Variants in GPR39 observed in about 807,000 individuals in gnomAD.
GPR39 encodes G protein-coupled receptor 39.
Under a neutral mutation model 18.4 loss-of-function variants are expected in GPR39, and 23 were observed. That is an observed-to-expected ratio of 1.25 (90% CI 0.90 to 1.77). The LOEUF (loss-of-function observed/expected upper bound fraction) is 1.77, where lower values mean the gene tolerates loss of function less well. Ranked by LOEUF, GPR39 falls within the 40% of genes most tolerant of loss-of-function variation. The probability of loss-of-function intolerance (pLI) is 0.00; values close to 1 mark genes in which losing one functional copy is unlikely to be tolerated. For synonymous variants in GPR39, 280 were observed against 257.9 expected (o/e 1.09, Z -0.82); for missense variants, 647 against 602.4 (o/e 1.07, Z -0.78).
intron 1 of GPR39, among the ~76,000 whole-genome samples, chr2:132,608,327 G>T (rs1681177805): frequency 6.6e-6 from 1 of 152,180 alleles, no homozygotes. Context: ...TTCAGTCCAT[G>T]AGCTGCACAA....
intron 1 of GPR39, among the ~76,000 whole-genome samples, chr2:132,592,945 C>A (rs1354114812): frequency 6.6e-6 from 1 of 152,166 alleles, no homozygotes; most frequent in African/African-American, 2.4e-5. Flanking sequence ...CACTTCTAAC[C>A]AGCTGGCTAC....
intron 1 of GPR39, among the ~76,000 whole-genome samples, chr2:132,521,028 T>G (rs1278135819): frequency 1.3e-5 from 2 of 152,202 alleles, no homozygotes; most frequent in Non-Finnish European, 2.9e-5. Context: ...AAATGGGCTG[T>G]TCAGGGCCAG....
Position 132,646,015 on chromosome 2 carries a change from A to C in GPR39, c.*409A>C. The C allele has an allele frequency of 6.7e-7, 1 of 1,487,878 alleles. No individual in the cohort carries two copies. The allele number at this position is 1,487,878 out of a possible 1,614,324, so 92.2% of individuals were successfully genotyped here. On this transcript the variant is annotated 3_prime_UTR_variant, in exon 2 of 2. Coordinates refer to ENST00000329321, the MANE Select transcript of GPR39 (RefSeq NM_001508.3). ...GTTGGGGGCGAGGGCTGGAAGAACAATGCAGGAGGGGGTGGCATCTCCTTC... is the reference window on the plus strand; with the variant it reads ...GTTGGGGGCGAGGGCTGGAAGAACACTGCAGGAGGGGGTGGCATCTCCTTC...
chr2:132,646,025 G>T lies in GPR39; in HGVS notation c.*419G>T, dbSNP rs1302941778. ...AGGGCTGGAAGAACAATGCAGGAGG[G>T]GGTGGCATCTCCTTCAGCTTCAGCA... On this transcript the variant is annotated 3_prime_UTR_variant, in exon 2 of 2. Transcript: ENST00000329321. 7 of 1,502,340 alleles carry T rather than the reference G, an allele frequency of 4.7e-6. No homozygotes were observed. Among genetic ancestry groups the T allele is most frequent in the South Asian group, 3.9e-5 (3 of 76,380 alleles). The allele number at this position is 1,502,340 out of a possible 1,614,324, so 93.1% of individuals were successfully genotyped here.
At chr2:132,622,761 T>A (rs1681465097) in intron 1 of GPR39, among the ~76,000 whole-genome samples, 1 of 152,166 alleles carries the variant, frequency 6.6e-6, no homozygotes. Flanking sequence ...CTGCCACCCA[T>A]CATGTGATGC....
At chr2:132,626,925 A>G (rs1434169633) in intron 1 of GPR39, among the ~76,000 whole-genome samples, 1 of 152,232 alleles carries the variant, frequency 6.6e-6, no homozygotes, top group Non-Finnish European at 1.5e-5. Flanking sequence ...TCCAGGCTCA[A>G]ACAATATTAG....
chr2:132,631,443 T>G (rs1681648270), intron 1 of GPR39, among the ~76,000 whole-genome samples: 1 of 152,244 alleles, frequency 6.6e-6, no homozygotes, highest in Non-Finnish European at 1.5e-5. Flanking sequence ...CATCCTCATC[T>G]GATCATTCTT....
At chr2:132,551,481 T>C (rs1371422625) in intron 1 of GPR39, among the ~76,000 whole-genome samples, 1 of 152,198 alleles carries the variant, frequency 6.6e-6, no homozygotes, top group East Asian at 1.9e-4. Flanking sequence ...GAGGGCTCCA[T>C]ATCACCCTAA....
intron 1 of GPR39, among the ~76,000 whole-genome samples, chr2:132,428,165 A>G (rs1680162855): frequency 6.6e-6 from 1 of 151,902 alleles, no homozygotes. Context: ...CTCATTATTG[A>G]ATCTCTTACA....
intron 1 of GPR39, among the ~76,000 whole-genome samples, chr2:132,495,770 T>C (rs895325701): frequency 1.3e-5 from 2 of 151,626 alleles, no homozygotes; most frequent in African/African-American, 4.9e-5. Context: ...CTACCTCTCC[T>C]CTCCTTTCCT....
rs777909907 is a variant in GPR39 at position 132,645,402 on chromosome 2, C to T, written c.1158C>T (p.Arg386=). 1 of 1,613,702 alleles carries T rather than the reference C, an allele frequency of 6.2e-7. No homozygotes were observed. The highest frequency in any genetic ancestry group is 8.5e-7 in the Non-Finnish European group (1 of 1,180,022). ...CGCACTCCACCACCGACAGCGCCCG[C>T]TTTGTGCAGCGCCCGTTGCTCTTCG... ...VHAHSTTDSA[R]FVQRPLLFAS... is the part of the protein sequence containing the mutation. The change falls in exon 2 of 2, where the codon CGC becomes CGT. Residue 386 remains arginine (R), a synonymous_variant. Coordinates refer to ENST00000329321, the MANE Select transcript of GPR39 (RefSeq NM_001508.3).
At chr2:132,548,968 T>C (rs544484771) in intron 1 of GPR39, among the ~76,000 whole-genome samples, 25 of 152,356 alleles carry the variant, frequency 1.6e-4, no homozygotes, top group African/African-American at 5.5e-4. Context: ...TGATTCACTG[T>C]CACAGATACG....
At chr2:132,469,686 C>G (rs962093569) in intron 1 of GPR39, among the ~76,000 whole-genome samples, 1 of 152,176 alleles carries the variant, frequency 6.6e-6, no homozygotes, top group Non-Finnish European at 1.5e-5. Flanking sequence ...CCTTCACTCC[C>G]GCAGGGAGGG....
chr2:132,602,448 A>C (rs1681059961), intron 1 of GPR39, among the ~76,000 whole-genome samples: 1 of 152,168 alleles, frequency 6.6e-6, no homozygotes, highest in South Asian at 2.1e-4. Flanking sequence ...CTAGAAGAAC[A>C]CATAGGGGAA....
At chr2:132,636,895 A>T (rs1681771351) in intron 1 of GPR39, among the ~76,000 whole-genome samples, 1 of 152,136 alleles carries the variant, frequency 6.6e-6, no homozygotes, top group Admixed American at 6.5e-5. Flanking sequence ...CTTGGAGGAC[A>T]TCATGCTCCT....
Position 132,645,468 on chromosome 2 carries a change from T to C in GPR39, c.1224T>C (p.Ile408=). 2 of 1,613,938 alleles carry C rather than the reference T, an allele frequency of 1.2e-6. No homozygotes were observed. The highest frequency in any genetic ancestry group is 1.7e-6 in the Non-Finnish European group (2 of 1,180,020). ...CCTCTGCAAGGAGAACTGAGAAGAT[T>C]TTCTTAAGCACTTTTCAGAGCGAGG... ...RQSSARRTEK[I]FLSTFQSEAE... Residue 408 remains isoleucine (I), a synonymous_variant, in exon 2 of 2, where the codon ATT becomes ATC. Coordinates refer to ENST00000329321, the MANE Select transcript of GPR39 (RefSeq NM_001508.3).
chr2:132,556,702 A>G (rs1680158176), intron 1 of GPR39, among the ~76,000 whole-genome samples: 1 of 152,010 alleles, frequency 6.6e-6, no homozygotes. Context: ...GACTTTTCAA[A>G]TCCTCCCCCT....
intron 1 of GPR39, among the ~76,000 whole-genome samples, chr2:132,445,118 C>G (rs938870695): frequency 2.6e-5 from 4 of 151,904 alleles, no homozygotes; most frequent in Admixed American, 6.6e-5. Flanking sequence ...CATGACTCAT[C>G]ATCCTAACAC....
chr2:132,528,034 G>C (rs142834207), intron 1 of GPR39, among the ~76,000 whole-genome samples: 2 of 152,090 alleles, frequency 1.3e-5, no homozygotes, highest in Non-Finnish European at 2.9e-5. Context: ...CATTGCCTAG[G>C]TTTTCTTCTA....
Sources: gnomAD v4.1 joint callset for allele counts (sites outside exome capture counted in the v4.1 genomes callset) on GRCh38, gnomAD v4.1.1 for gene constraint, MANE v1.5 for transcripts, NCBI Gene and HGNC (gene_info 2026-07-23, HGNC 2026-07-21) for gene names.